The following IKZF1 variants were observed in gnomAD, a reference collection of about 807,000 sequenced individuals.
The protein encoded by IKZF1 is IKAROS family zinc finger 1, also known as DNA-binding protein Ikaros.
Under a neutral mutation model 51.7 loss-of-function variants are expected in IKZF1, and 10 were observed. That is an observed-to-expected ratio of 0.19 (90% CI 0.12 to 0.33). The LOEUF (loss-of-function observed/expected upper bound fraction) is 0.33. Among genes scored for constraint, IKZF1 ranks in the 10% least tolerant of loss-of-function variants. The pLI is 1.00. For synonymous variants in IKZF1, 280 were observed against 282.3 expected (o/e 0.99, Z 0.08); for missense variants, 484 against 707.5 (o/e 0.68, Z 3.58).
intron 6 of IKZF1, among the ~76,000 whole-genome samples, chr7:50,389,390 A>G (rs1174445288): frequency 6.6e-6 from 1 of 152,150 alleles, no homozygotes; most frequent in Non-Finnish European, 1.5e-5. Flanking sequence ...TGTATTAAAT[A>G]TTACCCTGTG....
chr7:50,340,602 T>C (rs1002531000), intron 3 of IKZF1, among the ~76,000 whole-genome samples: 4 of 152,234 alleles, frequency 2.6e-5, no homozygotes, highest in Admixed American at 6.5e-5. Flanking sequence ...AGCTATATGA[T>C]CATTTTTATT....
intron 1 of IKZF1, among the ~76,000 whole-genome samples, chr7:50,313,397 TA>T (rs146455191): frequency 6.6e-6 from 1 of 152,220 alleles, no homozygotes; most frequent in African/African-American, 2.4e-5. Context: ...GAGGAAAAAG[TA>T]AATAGCATAC....
intron 2 of IKZF1, 161 bp from the exon 3 acceptor site, chr7:50,327,476 AC>A (rs1482743475): frequency 1.9e-5 from 14 of 725,964 alleles, no homozygotes; most frequent in Admixed American, 3.5e-5. Flanking sequence ...GGGAGAAGTG[AC>A]TTTTTTTATA....
intron 3 of IKZF1, among the ~76,000 whole-genome samples, chr7:50,347,782 G>A (rs1170863607): frequency 6.6e-6 from 1 of 152,214 alleles, no homozygotes; most frequent in East Asian, 1.9e-4. Context: ...CTCAAGGGCA[G>A]GAGGATTACC....
chr7:50,368,548 G>A, intron 3 of IKZF1: 1 of 567,360 alleles, frequency 1.8e-6, no homozygotes, highest in Non-Finnish European at 3.1e-6. Flanking sequence ...AGGCCTCCAG[G>A]CCGTTATTCT....
chr7:50,399,860 A>G (rs1817674292), intron 7 of IKZF1, 58 bp from the exon 8 acceptor site: 1 of 1,545,138 alleles, frequency 6.5e-7, no homozygotes, highest in African/African-American at 1.4e-5. Context: ...TGTTGCTGCC[A>G]GACCTGACCG....
chr7:50,391,095 G>A (rs1181980175), intron 6 of IKZF1, among the ~76,000 whole-genome samples: 3 of 152,186 alleles, frequency 2.0e-5, no homozygotes, highest in African/African-American at 7.2e-5. Flanking sequence ...GGAAAGAGAT[G>A]ACATAGAACA....
At position 50,401,741 on chromosome 7, in the gene IKZF1, G is replaced by T. The variant is rs1178218458; in HGVS notation, c.*1114G>T. ...CCTACCCTCACTATATATTATTCTC[G>T]TTTTAAAACCCATAAAGGAGTGATT... On this transcript the variant is annotated 3_prime_UTR_variant, in exon 8 of 8. Transcript: ENST00000331340. 9.2e-6 allele frequency: 2 copies of T among 217,338 alleles called. No homozygotes were observed. The highest frequency in any genetic ancestry group is 4.5e-5 in the African/African-American group (2 of 44,300). The allele number at this position is 217,338 out of a possible 1,614,324, so 13.5% of individuals were successfully genotyped here. A position where few individuals can be genotyped will look rare whatever the true frequency, so the allele number is the denominator to read the frequency against.
chr7:50,348,095 T>C (rs1800841812), intron 3 of IKZF1, among the ~76,000 whole-genome samples: 1 of 152,120 alleles, frequency 6.6e-6, no homozygotes, highest in Admixed American at 6.5e-5. Context: ...ATAAAGAAAA[T>C]CACAGGTTTT....
At chr7:50,364,602 G>C (rs1025292360) in intron 3 of IKZF1, among the ~76,000 whole-genome samples, 1 of 152,232 alleles carries the variant, frequency 6.6e-6, no homozygotes, top group Non-Finnish European at 1.5e-5. Context: ...GGTCAACTTA[G>C]AGGCAGGACT....
At chr7:50,382,493 C>T (rs772683421) in intron 4 of IKZF1, 47 bp from the exon 5 acceptor site, 3 of 1,576,264 alleles carry the variant, frequency 1.9e-6, no homozygotes, top group South Asian at 2.3e-5. Context: ...GTCCTCATGT[C>T]CCCACGCTGA....
intron 3 of IKZF1, among the ~76,000 whole-genome samples, chr7:50,360,548 C>G (rs80334079): frequency 0.023 from 3,477 of 152,340 alleles, 283 homozygotes; most frequent in East Asian, 0.16. Flanking sequence ...TTTAGTCCTT[C>G]ACTTTGCCGA....
chr7:50,372,850 GA>G (rs1482577151), intron 3 of IKZF1, among the ~76,000 whole-genome samples: 2 of 152,178 alleles, frequency 1.3e-5, no homozygotes, highest in Non-Finnish European at 2.9e-5. Context: ...CTAGGAGTTT[GA>G]AAACATCCAC....
chr7:50,361,673 C>G (rs1014625664), intron 3 of IKZF1, among the ~76,000 whole-genome samples: 4 of 152,110 alleles, frequency 2.6e-5, no homozygotes, highest in African/African-American at 9.7e-5. Context: ...GTCAAGAGAT[C>G]GAGACCATCC....
chr7:50,358,400 C>T (rs889104364), intron 3 of IKZF1, among the ~76,000 whole-genome samples: 7 of 152,338 alleles, frequency 4.6e-5, no homozygotes, highest in African/African-American at 7.2e-5. Flanking sequence ...GCCAATCTCG[C>T]GTGAAGGCTG....
chr7:50,361,599 C>A (rs1805253388), intron 3 of IKZF1, among the ~76,000 whole-genome samples: 1 of 152,186 alleles, frequency 6.6e-6, no homozygotes, highest in Admixed American at 6.5e-5. Flanking sequence ...TAATCCTGGC[C>A]AGGCACAGTG....
At chr7:50,366,336 T>A (rs1041703997) in intron 3 of IKZF1, among the ~76,000 whole-genome samples, 1 of 152,214 alleles carries the variant, frequency 6.6e-6, no homozygotes, top group African/African-American at 2.4e-5. Context: ...GTGGGAAGTG[T>A]CTTGACAGAA....
At chr7:50,318,781 A>G (rs925283836) in intron 1 of IKZF1, among the ~76,000 whole-genome samples, 1 of 152,152 alleles carries the variant, frequency 6.6e-6, no homozygotes, top group Non-Finnish European at 1.5e-5. Context: ...ATTTTGGGTT[A>G]TTATGCAGTA....
Position 50,401,475 on chromosome 7 carries a change from T to C in IKZF1, c.*848T>C. The C allele has an allele frequency of 4.4e-6, 1 of 224,812 alleles. No individual in the cohort carries two copies. Among genetic ancestry groups the C allele is most frequent in the Non-Finnish European group, 8.9e-6 (1 of 112,606 alleles). The allele number at this position is 224,812 out of a possible 1,614,324, so 13.9% of individuals were successfully genotyped here. On this transcript the variant is annotated 3_prime_UTR_variant, in exon 8 of 8. Coordinates refer to ENST00000331340, the MANE Select transcript of IKZF1 (RefSeq NM_006060.6). Reference sequence around the variant, plus strand: ...CCCATACCTTTAATGGCCCCCAAAATCTGTCACTACAATTTAAACACCAGT... The same window carrying C: ...CCCATACCTTTAATGGCCCCCAAAACCTGTCACTACAATTTAAACACCAGT...
Sources: gnomAD v4.1 joint callset for allele counts (sites outside exome capture counted in the v4.1 genomes callset) on GRCh38, gnomAD v4.1.1 for gene constraint, MANE v1.5 for transcripts, NCBI Gene and HGNC (gene_info 2026-07-23, HGNC 2026-07-21) for gene names.